CFAP54: variants seen among roughly 807,000 people sequenced by gnomAD.
The protein encoded by CFAP54 is cilia- and flagella-associated protein 54.
Under a neutral mutation model 370.4 loss-of-function variants are expected in CFAP54, and 290 were observed. The ratio of observed to expected loss-of-function variants is 0.78; its 90% CI spans 0.71 to 0.86. CFAP54 has a LOEUF of 0.86. Ranked by LOEUF, CFAP54 falls within the 40% of genes least tolerant of loss-of-function variation. The pLI is 0.00. For missense variants in CFAP54, 3,399 were observed against 3,528.7 expected, an observed-to-expected ratio of 0.96 and a Z score of 0.93; for synonymous variants, 1,206 against 1,236.5, an observed-to-expected ratio of 0.98 and a Z score of 0.52.
At chr12:96,843,225 C>T (rs1354990580) in intron 66 of CFAP54, among the ~76,000 whole-genome samples, 1 of 152,152 alleles carries the variant, frequency 6.6e-6, no homozygotes, top group Admixed American at 6.5e-5. Context: ...CCAGTGAGCT[C>T]CTTCATAAAA....
At chr12:96,739,512 C>A (rs557423312) in intron 50 of CFAP54, among the ~76,000 whole-genome samples, 1 of 152,202 alleles carries the variant, frequency 6.6e-6, no homozygotes, top group African/African-American at 2.4e-5. Flanking sequence ...CATTAGGTAA[C>A]ATAGTTCCAT....
At chr12:96,563,068 C>CATAATTCTCACAATA (rs1455939637) in intron 17 of CFAP54, among the ~76,000 whole-genome samples, 1 of 152,120 alleles carries the variant, frequency 6.6e-6, no homozygotes, top group African/African-American at 2.4e-5. Flanking sequence ...ATGATTCTCA[C>CATAATTCTCACAATA]ATAGTAACTG....
chr12:96,791,635 A>C (rs1030562965), intron 62 of CFAP54, among the ~76,000 whole-genome samples: 1 of 152,190 alleles, frequency 6.6e-6, no homozygotes, highest in Non-Finnish European at 1.5e-5. Flanking sequence ...ATTGCAAAAA[A>C]ATACTATTGG....
At chr12:96,585,133 GTT>G (rs1956065569) in intron 22 of CFAP54, among the ~76,000 whole-genome samples, 4 of 151,024 alleles carry the variant, frequency 2.6e-5, no homozygotes, top group Admixed American at 2.6e-4. Context: ...CTTGTGACTT[GTT>G]TTTATTTTTT....
rs536790725 is a variant in CFAP54 at position 96,862,019 on chromosome 12, C to CT, written c.*14+1072dup. On this transcript the variant is annotated intron_variant, in intron 67 of 67. Transcript: ENST00000524981. ...AATTTCCTACTAGTATTAAAAAGGC[C>CT]TTTTTAAAAAAAAATGAAACAACGG... is the stretch of plus-strand genomic sequence containing the variant. Among the ~76,000 whole-genome samples, 521 of 151,712 alleles carry CT rather than the reference C, an allele frequency of 3.4e-3. 4 individuals carry two copies. The highest frequency in any genetic ancestry group is 0.012 in the African/African-American group (492 of 41,374).
intron 38 of CFAP54, among the ~76,000 whole-genome samples, chr12:96,661,576 G>A (rs1456298742): frequency 1.3e-5 from 2 of 152,212 alleles, no homozygotes; most frequent in East Asian, 3.9e-4. Context: ...GAGGACAGTT[G>A]TAGAAGCAGC....
At chr12:96,729,286 C>T (rs7295455) in intron 50 of CFAP54, among the ~76,000 whole-genome samples, 1 of 151,884 alleles carries the variant, frequency 6.6e-6, no homozygotes, top group Non-Finnish European at 1.5e-5. Context: ...CCCAGAGGTG[C>T]AGCCTACAGA....
chr12:96,557,301 A>G (rs1955764059), intron 17 of CFAP54, among the ~76,000 whole-genome samples: 1 of 152,204 alleles, frequency 6.6e-6, no homozygotes, highest in African/African-American at 2.4e-5. Context: ...AAACATCAAT[A>G]ATAAGACAAA....
chr12:96,601,564 G>A (rs1346342345), intron 26 of CFAP54, among the ~76,000 whole-genome samples: 4 of 152,106 alleles, frequency 2.6e-5, no homozygotes, highest in Non-Finnish European at 5.9e-5. Context: ...GGTAGAATTC[G>A]GCCGTGAATC....
intron 39 of CFAP54, among the ~76,000 whole-genome samples, chr12:96,666,806 A>G (rs1261237511): frequency 2.0e-5 from 3 of 152,116 alleles, no homozygotes; most frequent in Non-Finnish European, 4.4e-5. Context: ...TTTCAAAACC[A>G]ATCATGCCTT....
intron 8 of CFAP54, among the ~76,000 whole-genome samples, chr12:96,525,883 GT>G (rs1955375270): frequency 6.6e-6 from 1 of 151,990 alleles, no homozygotes; most frequent in African/African-American, 2.4e-5. Flanking sequence ...TAGAGATGAG[GT>G]TTCACCATAT....
chr12:96,637,326 T>G (rs1956673286), intron 32 of CFAP54, among the ~76,000 whole-genome samples: 1 of 152,186 alleles, frequency 6.6e-6, no homozygotes, highest in South Asian at 2.1e-4. Context: ...TTGATCCACT[T>G]TTTGGCTATT....
intron 15 of CFAP54, 105 bp from the exon 16 acceptor site, chr12:96,554,077 T>C (rs976666575): frequency 4.3e-6 from 3 of 694,924 alleles, no homozygotes; most frequent in African/African-American, 3.7e-5. Flanking sequence ...AGATAGACTA[T>C]TTAAATTTCT....
At chr12:96,832,925 A>G (rs1253211230) in intron 66 of CFAP54, among the ~76,000 whole-genome samples, 1 of 152,208 alleles carries the variant, frequency 6.6e-6, no homozygotes, top group Non-Finnish European at 1.5e-5. Context: ...GGCAAATGAA[A>G]TTACATGCCT....
chr12:96,583,851 C>T (rs142490761), intron 22 of CFAP54, among the ~76,000 whole-genome samples: 64 of 152,300 alleles, frequency 4.2e-4, no homozygotes, highest in African/African-American at 1.5e-3. Context: ...TTAAGTGACC[C>T]TCTGCTCCTT....
intron 65 of CFAP54, among the ~76,000 whole-genome samples, chr12:96,825,838 TATA>T (rs1012714380): frequency 9.0e-5 from 12 of 133,706 alleles, no homozygotes; most frequent in Non-Finnish European, 1.8e-4. Flanking sequence ...TAGTATATAA[TATA>T]ATTTATAATA....
intron 66 of CFAP54, among the ~76,000 whole-genome samples, chr12:96,834,058 G>C (rs1280120428): frequency 6.6e-6 from 1 of 152,072 alleles, no homozygotes; most frequent in East Asian, 1.9e-4. Context: ...CTTCTAACTA[G>C]ACTACACTCA....
intron 17 of CFAP54, among the ~76,000 whole-genome samples, chr12:96,555,806 A>T (rs577084372): frequency 1.3e-5 from 2 of 152,036 alleles, no homozygotes; most frequent in East Asian, 3.9e-4. Flanking sequence ...CAGAAAGATT[A>T]TTCTGATTTC....
intron 15 of CFAP54, 144 bp from the exon 16 acceptor site, chr12:96,554,038 G>T (rs1221697142): frequency 2.1e-6 from 1 of 471,246 alleles, no homozygotes; most frequent in African/African-American, 2.0e-5. Flanking sequence ...ATAAATACAT[G>T]TAGTTAGAGA....
Sources: gnomAD v4.1 joint callset for allele counts (sites outside exome capture counted in the v4.1 genomes callset) on GRCh38, gnomAD v4.1.1 for gene constraint, MANE v1.5 for transcripts, NCBI Gene and HGNC (gene_info 2026-07-23, HGNC 2026-07-21) for gene names.